Variants in SLC30A4 observed in about 807,000 individuals in gnomAD.
SLC30A4 encodes probable proton-coupled zinc antiporter SLC30A4.
In SLC30A4, 20 loss-of-function variants were observed where a neutral mutation model predicts 41.7. That is an observed-to-expected ratio of 0.48 (90% CI 0.34 to 0.70). The LOEUF is 0.70. Ranked by LOEUF, SLC30A4 falls within the 30% of genes least tolerant of loss-of-function variation. SLC30A4 has a pLI of 0.01. For synonymous variants in SLC30A4, 181 were observed against 195.9 expected, an observed-to-expected ratio of 0.92 and a Z score of 0.64; for missense variants, 441 against 529.3, an observed-to-expected ratio of 0.83 and a Z score of 1.64.
chr15:45,494,557 T>C (rs1242667567), intron 3 of SLC30A4, among the ~76,000 whole-genome samples: 1 of 152,066 alleles, frequency 6.6e-6, no homozygotes, highest in Admixed American at 6.6e-5. Flanking sequence ...TGGTGGCAGC[T>C]GCCTGTAATC....
At position 45,487,612 on chromosome 15, in the gene SLC30A4, G is replaced by A. The variant is rs2453531; in HGVS notation, c.915C>T (p.Asp305=). The part of the protein sequence containing the change: ...IRFKPEYKIA[D]PICTYVFSLL... ...ATGAAAATACGTATGTACAGATGGG[G>A]TCAGCAATCTTGTATTCTGGCTAAA... The change falls in exon 6 of 8, where the codon GAC becomes GAT. Residue 305 remains aspartate, a synonymous_variant. Coordinates refer to ENST00000261867, the MANE Select transcript of SLC30A4 (RefSeq NM_013309.6). 1,076,598 of 1,539,344 alleles carry A rather than the reference G, an allele frequency of 0.7. 379,730 individuals carry two copies. The highest frequency in any genetic ancestry group is 0.87 in the African/African-American group (63,638 of 73,220).
At chr15:45,495,020 G>A (rs975570176) in intron 3 of SLC30A4, among the ~76,000 whole-genome samples, 1 of 152,014 alleles carries the variant, frequency 6.6e-6, no homozygotes, top group Non-Finnish European at 1.5e-5. Flanking sequence ...AAGTGTGGTG[G>A]TATATGCCTG....
Position 45,481,865 on chromosome 15 carries a change from C to T in SLC30A4, c.*3298G>A, listed in dbSNP as rs1045017916. On this transcript the variant is annotated 3_prime_UTR_variant, in exon 8 of 8. Coordinates refer to ENST00000261867, the MANE Select transcript of SLC30A4 (RefSeq NM_013309.6). ...AACTATGTACTTTTTCCTACAAAAA[C>T]AAAGCACAGGAAACTTTATGTGTAC... 1 of 151,862 alleles carries T rather than the reference C, an allele frequency of 6.6e-6. No homozygotes were observed. The highest frequency in any genetic ancestry group is 1.5e-5 in the Non-Finnish European group (1 of 67,976). The allele number at this position is 151,862 out of a possible 1,614,324, so 9.4% of individuals were successfully genotyped here. A position where few individuals can be genotyped will look rare whatever the true frequency, so the allele number is the denominator to read the frequency against.
Position 45,511,266 on chromosome 15 carries a change from C to A in SLC30A4, c.410G>T (p.Ser137Ile). The A allele has an allele frequency of 6.2e-7, 1 of 1,606,004 alleles. No individual in the cohort carries two copies. The highest frequency in any genetic ancestry group is 8.5e-7 in the Non-Finnish European group (1 of 1,176,126). The change falls in exon 3 of 8, where the codon AGC becomes ATC. Residue 137 changes from serine to isoleucine, a missense_variant. Physicochemically the swap from Ser to Ile is moderately radical, Grantham distance 142. Coordinates refer to ENST00000261867, the MANE Select transcript of SLC30A4 (RefSeq NM_013309.6). ...AAGTGCATCTGTCATGATTGCTAGG[C>A]TATTTGCAATGTATCCACCTTAGAG... ...GELVGGYIAN[S>I]LAIMTDALHM... is the part of the protein sequence containing the mutation.
At chr15:45,505,238 T>TAAAAA (rs1209222695) in intron 3 of SLC30A4, among the ~76,000 whole-genome samples, 11 of 53,262 alleles carry the variant, frequency 2.1e-4, no homozygotes, top group Non-Finnish European at 2.9e-4. Flanking sequence ...TCTCAAAAAT[T>TAAAAA]AAAAAAAAAA....
At chr15:45,516,687 G>A (rs1432427433) in intron 2 of SLC30A4, among the ~76,000 whole-genome samples, 1 of 152,166 alleles carries the variant, frequency 6.6e-6, no homozygotes, top group African/African-American at 2.4e-5. Flanking sequence ...TGGCCAACAT[G>A]TTGAAACTCC....
chr15:45,490,647 C>G (rs1191763530), intron 4 of SLC30A4, 81 bp downstream of exon 4: 2 of 810,958 alleles, frequency 2.5e-6, no homozygotes, highest in African/African-American at 3.4e-5. Flanking sequence ...CAAAATATCA[C>G]TGAATATTAC....
At chr15:45,493,054 C>T (rs1298221087) in intron 3 of SLC30A4, among the ~76,000 whole-genome samples, 1 of 151,588 alleles carries the variant, frequency 6.6e-6, no homozygotes, top group Non-Finnish European at 1.5e-5. Context: ...GGCGGATCAC[C>T]TGAGGTCAGG....
In SLC30A4 at chr15:45,520,430, C is replaced by T. The variant is rs187187937; in HGVS notation, c.391+1534G>A. ...GATTACAGGCGCCCACCACAACGTC[C>T]GGCTAATTTTTGTATTTTGTTTTTA... On this transcript the variant is annotated intron_variant, in intron 2 of 7. Transcript: ENST00000261867. Among the ~76,000 whole-genome samples, 505 of 152,018 alleles carry T rather than the reference C, an allele frequency of 3.3e-3. 1 individual carries two copies. Among genetic ancestry groups the T allele is most frequent in the African/African-American group, 5.5e-3 (228 of 41,458 alleles).
rs765870615 is a variant in SLC30A4 at position 45,488,808 on chromosome 15, A to C, written c.894+33T>G. 3.8e-6 allele frequency: 6 copies of C among 1,567,892 alleles called. No homozygotes were observed. In the Admixed American group the frequency reaches 5.0e-5, roughly 13 times the overall value. On this transcript the variant is annotated intron_variant, in intron 5 of 7. Transcript: ENST00000261867. ...TAGTTTTCATGTTGAAATTAAGTAC[A>C]TTTTAAAATAGAAAAATTACCAATC...
chr15:45,485,412 AT>A, intron 7 of SLC30A4, 95 bp from the exon 8 acceptor site: 1 of 808,340 alleles, frequency 1.2e-6, no homozygotes, highest in Non-Finnish European at 1.9e-6. Context: ...CTGGGAATAT[AT>A]TTTTATTAGT....
chr15:45,518,278 T>C (rs1041499255), intron 2 of SLC30A4, among the ~76,000 whole-genome samples: 1 of 152,218 alleles, frequency 6.6e-6, no homozygotes, highest in Non-Finnish European at 1.5e-5. Context: ...CTATGTCTTA[T>C]AGTACCTTGT....
At chr15:45,499,015 G>A (rs897496710) in intron 3 of SLC30A4, among the ~76,000 whole-genome samples, 1 of 151,484 alleles carries the variant, frequency 6.6e-6, no homozygotes. Flanking sequence ...TTTCTGCTCA[G>A]TAAAACTATG....
intron 3 of SLC30A4, among the ~76,000 whole-genome samples, chr15:45,495,536 G>A (rs1891893564): frequency 6.6e-6 from 1 of 152,198 alleles, no homozygotes; most frequent in Non-Finnish European, 1.5e-5. Flanking sequence ...CATCCTATGA[G>A]TATGCTAAAT....
In SLC30A4 at chr15:45,501,263, G is replaced by A. The variant is rs531500561; in HGVS notation, c.538+9875C>T. ...GCGGAGCTTGCAGGGAGCCAAGATC[G>A]TGCCACTGCACTCCAGCCTGGGCAA... is the stretch of plus-strand genomic sequence containing the variant. On this transcript the variant is annotated intron_variant, in intron 3 of 7. Coordinates refer to ENST00000261867, the MANE Select transcript of SLC30A4 (RefSeq NM_013309.6). 3.3e-5 allele frequency among the ~76,000 whole-genome samples: 5 copies of A among 151,844 alleles called. No homozygotes were observed. The South Asian group carries it at 1.0e-3, about 32-fold the overall frequency.
At position 45,490,798 on chromosome 15, in the gene SLC30A4, G is replaced by T; in HGVS notation, c.622C>A (p.His208Asn). ...TCTCCATTTATTTCATAGTTCATAT[G>T]GATAGTTCTTTGCACAGCTTCATAT... is the stretch of plus-strand genomic sequence containing the variant. ...LLYEAVQRTIHMNYEINGDIM... is the reference protein window; with the variant it reads ...LLYEAVQRTINMNYEINGDIM... The change falls in exon 4 of 8, where the codon CAT (histidine) becomes AAT (asparagine). Residue 208 changes from histidine (H) to asparagine (N), a missense_variant. By Grantham distance (68) the His-to-Asn change is moderately conservative. Transcript: ENST00000261867. 1.2e-6 allele frequency: 2 copies of T among 1,610,626 alleles called. No homozygotes were observed. Among genetic ancestry groups the T allele is most frequent in the Non-Finnish European group, 8.5e-7 (1 of 1,177,496 alleles).
intron 2 of SLC30A4, 185 bp downstream of exon 2, chr15:45,521,779 G>A: frequency 1.8e-6 from 1 of 550,540 alleles, no homozygotes; most frequent in Non-Finnish European, 3.1e-6. Flanking sequence ...TTATCTCGGG[G>A]AGTTTATATT....
Position 45,522,642 on chromosome 15 carries a change from C to T in SLC30A4, c.-150G>A. On this transcript the variant is annotated 5_prime_UTR_variant, in exon 1 of 8. Coordinates refer to ENST00000261867, the MANE Select transcript of SLC30A4 (RefSeq NM_013309.6). ...GCCGCGGGGCCGCAACTCATCTCCC[C>T]GCCCCCGGCCGGCTCAGCGAGGCGG... 3 of 265,066 alleles carry T rather than the reference C, an allele frequency of 1.1e-5. No homozygotes were observed. Among genetic ancestry groups the T allele is most frequent in the Non-Finnish European group, 1.4e-5 (2 of 143,016 alleles). 16.4% of individuals were successfully genotyped at this position (265,066 alleles called of 1,614,324 possible).
intron 3 of SLC30A4, among the ~76,000 whole-genome samples, chr15:45,493,814 GA>G (rs143505407): frequency 6.6e-6 from 1 of 152,096 alleles, no homozygotes; most frequent in African/African-American, 2.4e-5. Flanking sequence ...CCGACAGAGT[GA>G]GACTCTGTCT....
Sources: gnomAD v4.1 joint callset for allele counts (sites outside exome capture counted in the v4.1 genomes callset) on GRCh38, gnomAD v4.1.1 for gene constraint, MANE v1.5 for transcripts, NCBI Gene and HGNC (gene_info 2026-07-23, HGNC 2026-07-21) for gene names.